The following DNAJB12 variants were observed in gnomAD, a reference collection of about 807,000 sequenced individuals.
The protein encoded by DNAJB12 is dnaJ homolog subfamily B member 12.
Under a neutral mutation model 40.6 loss-of-function variants are expected in DNAJB12, and 14 were observed. That is an observed-to-expected ratio of 0.34 (90% CI 0.23 to 0.54). The LOEUF (loss-of-function observed/expected upper bound fraction) is 0.54. Ranked by LOEUF, DNAJB12 falls within the 20% of genes least tolerant of loss-of-function variation. DNAJB12 has a pLI of 0.92. For synonymous variants in DNAJB12, 181 were observed against 199.5 expected, an observed-to-expected ratio of 0.91 and a Z score of 0.78; for missense variants, 444 against 501.7, an observed-to-expected ratio of 0.89 and a Z score of 1.10.
chr10:72,343,578 G>C (rs934967288), intron 2 of DNAJB12, 67 bp from the exon 3 acceptor site: 136 of 1,552,994 alleles, frequency 8.8e-5, no homozygotes, highest in Middle Eastern at 3.4e-4. Flanking sequence ...GCGATGAACA[G>C]GCCGTGTGGG....
chr10:72,334,535 T>G lies in DNAJB12; in HGVS notation c.*113A>C. ...CCTCCAATTCCATTTTAATTTTGTT[T>G]CTTTGTTTGTCTTTCCTCAAATATA... On this transcript the variant is annotated 3_prime_UTR_variant, in exon 9 of 9. Transcript: ENST00000444643. 2 of 1,531,906 alleles carry G rather than the reference T, an allele frequency of 1.3e-6. No individual in the cohort carries two copies. Among genetic ancestry groups the G allele is most frequent in the Non-Finnish European group, 1.7e-6 (2 of 1,143,236 alleles). The allele number at this position is 1,531,906 out of a possible 1,614,324, so 94.9% of individuals were successfully genotyped here.
chr10:72,338,388 T>C, intron 5 of DNAJB12, 77 bp from the exon 6 acceptor site: 1 of 1,224,240 alleles, frequency 8.2e-7, no homozygotes, highest in Non-Finnish European at 1.2e-6. Context: ...CTAGCTCCCC[T>C]AGAATAGTGG....
rs1277849589 is a variant in DNAJB12, at chr10:72,335,066, C to T, written c.*31-449G>A. On this transcript the variant is annotated intron_variant, in intron 8 of 8. Transcript: ENST00000444643. This position sits in a 1 kb window ranked among gnomAD's most constrained non-coding sequence, Gnocchi z 4.4. ...CTGCGTCTGACCCTGAACTCATGAC[C>T]TTCTGTTCCCTTCCTCAGACCGCAG... The T allele has an allele frequency of 4.0e-6, 4 of 998,930 alleles. No individual in the cohort carries two copies. The highest frequency in any genetic ancestry group is 2.4e-6 in the Non-Finnish European group (2 of 838,384). The allele number at this position is 998,930 out of a possible 1,614,324, so 61.9% of individuals were successfully genotyped here.
chr10:72,341,214 CGG>C, intron 3 of DNAJB12, 44 bp from the exon 4 acceptor site: 3 of 1,563,870 alleles, frequency 1.9e-6, no homozygotes, highest in Non-Finnish European at 1.7e-6. Context: ...TCCTGGGGTG[CGG>C]GGGGAGGCTC....
chr10:72,339,635 T>C lies in DNAJB12; in HGVS notation c.723+1154A>G, dbSNP rs985637079. Among the ~76,000 whole-genome samples, 321 of 152,326 alleles carry C rather than the reference T, an allele frequency of 2.1e-3. 1 individual carries two copies. Among genetic ancestry groups the C allele is most frequent in the African/African-American group, 7.2e-3 (299 of 41,584 alleles). On this transcript the variant is annotated intron_variant, in intron 5 of 8. Transcript: ENST00000444643. ...AAATGTTTTGCAATTGTCCACAATA[T>C]TTTAATTTTAGCCAGCTAGCTGTTC...
intron 5 of DNAJB12, among the ~76,000 whole-genome samples, chr10:72,340,355 A>G (rs2131985986): frequency 6.6e-6 from 1 of 152,276 alleles, no homozygotes; most frequent in Non-Finnish European, 1.5e-5. Context: ...TTAAAAAAAA[A>G]GAAATTTCTC....
intron 1 of DNAJB12, chr10:72,353,964 G>C (rs1861997210): frequency 6.6e-6 from 1 of 152,204 alleles, no homozygotes. Flanking sequence ...AAAAGAAAGG[G>C]TTCCCGGGTG....
chr10:72,343,631 G>C, intron 2 of DNAJB12, 120 bp from the exon 3 acceptor site: 1 of 1,057,012 alleles, frequency 9.5e-7, no homozygotes, highest in Non-Finnish European at 1.4e-6. Flanking sequence ...ACAGGGCAAG[G>C]CTGACAGCTC....
Position 72,343,369 on chromosome 10 carries a change from T to C in DNAJB12, c.454A>G (p.Lys152Glu). ...TAGGAAAGCAGGGCTGGCTTACCTT[T>C]GAAGGCTTCAGTGGCACCAGGTGCG... ...NHAPGATEAF[K>E]AIGTAYAVLS... Residue 152 changes from lysine (K) to glutamate (E), a missense_variant, in exon 3 of 9, where the codon AAA becomes GAA. Transcript: ENST00000444643. The C allele has an allele frequency of 6.2e-7, 1 of 1,613,162 alleles. No homozygotes were observed. The highest frequency in any genetic ancestry group is 8.5e-7 in the Non-Finnish European group (1 of 1,179,572).
chr10:72,334,739 C>A, intron 8 of DNAJB12, 122 bp from the exon 9 acceptor site: 2 of 1,404,810 alleles, frequency 1.4e-6, no homozygotes, highest in Non-Finnish European at 9.2e-7. Context: ...GCTCGACCCC[C>A]ACCAACCCCA....
At chr10:72,343,759 G>A (rs574686771) in intron 2 of DNAJB12, among the ~76,000 whole-genome samples, 1 of 152,218 alleles carries the variant, frequency 6.6e-6, no homozygotes, top group African/African-American at 2.4e-5. Flanking sequence ...GGATTTAGGA[G>A]GGCATCTGTG....
Position 72,334,914 on chromosome 10 carries a change from G to A in DNAJB12, c.*31-297C>T, listed in dbSNP as rs1024281312. 5 of 1,230,846 alleles carry A rather than the reference G, an allele frequency of 4.1e-6. No individual in the cohort carries two copies. In the African/African-American group the frequency reaches 7.9e-5, roughly 19 times the overall value. 76.2% of individuals were successfully genotyped at this position (1,230,846 alleles called of 1,614,324 possible). On this transcript the variant is annotated intron_variant, in intron 8 of 8. Transcript: ENST00000444643. ...CTTCTGCCCACACTTCTCTGGGCTTGGCTGAAGTGGCCACCTCTGGCAAAC... is the reference window on the plus strand; with the variant it reads ...CTTCTGCCCACACTTCTCTGGGCTTAGCTGAAGTGGCCACCTCTGGCAAAC...
chr10:72,354,865 A>G lies in DNAJB12; in HGVS notation c.33T>C (p.Cys11=). MESNKDEAER[C]ISIALKAIQS... The stretch of plus-strand genomic sequence containing the variant: ...GGATGGCCTTGAGGGCGATGCTGAT[A>G]CAGCGCTCAGCTTCATCCTTGTTGG... The change falls in exon 1 of 9, where the codon TGT becomes TGC. Residue 11 remains cysteine, a synonymous_variant. Transcript: ENST00000444643. 6.2e-7 allele frequency: 1 copy of G among 1,614,094 alleles called. No individual in the cohort carries two copies. Among genetic ancestry groups the G allele is most frequent in the Non-Finnish European group, 8.5e-7 (1 of 1,179,934 alleles).
intron 1 of DNAJB12, chr10:72,354,424 C>A (rs971242067): frequency 3.6e-6 from 1 of 278,242 alleles, no homozygotes; most frequent in Non-Finnish European, 6.9e-6. Flanking sequence ...GCCTGGGCTA[C>A]CGAACGGCCC....
intron 2 of DNAJB12, among the ~76,000 whole-genome samples, chr10:72,344,009 C>A (rs947757086): frequency 6.6e-6 from 1 of 152,104 alleles, no homozygotes; most frequent in Non-Finnish European, 1.5e-5. Flanking sequence ...CCTGTCTCAG[C>A]CCCCCAAAGT....
intron 8 of DNAJB12, chr10:72,334,948 C>G (rs1861427650): frequency 8.5e-7 from 1 of 1,178,430 alleles, no homozygotes; most frequent in Non-Finnish European, 1.0e-6. Context: ...ACGCTGGGAA[C>G]AGAGCCCAGC....
At chr10:72,334,711 C>T (rs778586065) in intron 8 of DNAJB12, 94 bp from the exon 9 acceptor site, 64 of 1,448,056 alleles carry the variant, frequency 4.4e-5, no homozygotes, top group South Asian at 8.5e-5. Context: ...GCCACTGCAC[C>T]GCTGCACCGT....
chr10:72,343,476 C>T lies in DNAJB12; in HGVS notation c.347G>A (p.Gly116Glu). The T allele has an allele frequency of 6.2e-7, 1 of 1,614,188 alleles. No homozygotes were observed. The highest frequency in any genetic ancestry group is 1.3e-5 in the African/African-American group (1 of 75,050). Residue 116 changes from glycine to glutamate, a missense_variant, in exon 3 of 9, where the codon GGG (glycine) becomes GAG (glutamate). Gly to Glu is a moderately conservative substitution (Grantham distance 98). Coordinates refer to ENST00000444643, the MANE Select transcript of DNAJB12 (RefSeq NM_017626.7). Reference sequence around the variant, plus strand: ...CTCATCCGAGGCCCCTCTGCTCACCCCCAGGATCTCATAGTAATCTTTACA... The same window carrying T: ...CTCATCCGAGGCCCCTCTGCTCACCTCCAGGATCTCATAGTAATCTTTACA... Reference protein sequence around the residue: ...KQCKDYYEILGVSRGASDEDL... With the variant: ...KQCKDYYEILEVSRGASDEDL...
intron 1 of DNAJB12, among the ~76,000 whole-genome samples, chr10:72,345,387 A>G (rs975836825): frequency 6.6e-6 from 1 of 152,214 alleles, no homozygotes; most frequent in East Asian, 1.9e-4. Flanking sequence ...AGATCACCTG[A>G]GGTCAGGAGT....
Sources: gnomAD v4.1 joint callset for allele counts (sites outside exome capture counted in the v4.1 genomes callset) on GRCh38, gnomAD v4.1.1 for gene constraint, Gnocchi (gnomAD v3.1) non-coding constraint, MANE v1.5 for transcripts, NCBI Gene and HGNC (gene_info 2026-07-23, HGNC 2026-07-21) for gene names.